Variants in XIRP2 observed in about 807,000 individuals in gnomAD.
XIRP2 encodes the protein xin actin-binding repeat-containing protein 2.
In XIRP2, 236 loss-of-function variants were observed where a neutral mutation model predicts 277.0. That is an observed-to-expected ratio of 0.85 (90% CI 0.77 to 0.95). The LOEUF is 0.95. Ranked by LOEUF, XIRP2 falls within the 40% of genes least tolerant of loss-of-function variation. The pLI is 0.00. For synonymous variants in XIRP2, 1,490 were observed against 1,416.5 expected (o/e 1.05, Z -1.17); for missense variants, 4,640 against 4,157.5 (o/e 1.12, Z -3.19).
rs753301678 is a variant in XIRP2, at chr2:167,247,595, C to T, written c.6203C>T (p.Thr2068Ile). ...SGDKTGVWTD[T>I]TGEQHLRDEY... ...GACAAAACGGGTGTCTGGACTGATA[C>T]TACAGGAGAACAGCATCTTAGAGAT... The change falls in exon 9 of 11, where the codon ACT becomes ATT. Residue 2068 changes from threonine (T) to isoleucine (I), a missense_variant. Coordinates refer to ENST00000409195, the MANE Select transcript of XIRP2 (RefSeq NM_152381.6). 3.1e-6 allele frequency: 5 copies of T among 1,613,658 alleles called. No individual in the cohort carries two copies. In the Admixed American group the frequency reaches 8.3e-5, roughly 27 times the overall value.
At chr2:167,160,129 A>C (rs772037072) in intron 3 of XIRP2, among the ~76,000 whole-genome samples, 3 of 152,224 alleles carry the variant, frequency 2.0e-5, no homozygotes, top group African/African-American at 7.2e-5. Context: ...TACTAAATGG[A>C]TACTGTCTGA....
intron 2 of XIRP2, among the ~76,000 whole-genome samples, chr2:167,003,097 A>G (rs77539099): frequency 0.036 from 5,543 of 151,976 alleles, 117 homozygotes; most frequent in East Asian, 0.061. Context: ...TACATTACAG[A>G]GAGAAGGAAG....
At position 167,248,826 on chromosome 2, in the gene XIRP2, G is replaced by A; in HGVS notation, c.7434G>A (p.Lys2478=). Residue 2478 remains lysine, a synonymous_variant, in exon 9 of 11, where the codon AAG becomes AAA. Coordinates refer to ENST00000409195, the MANE Select transcript of XIRP2 (RefSeq NM_152381.6). ...CCAGCAGTGAACACACGGAGACAAA[G>A]CAGAACGTTATTAGTAAGAGTCTTG... The part of the protein sequence containing the change: ...VMTSSEHTET[K]QNVISKSLDE... 1 of 1,613,460 alleles carries A rather than the reference G, an allele frequency of 6.2e-7. No individual in the cohort carries two copies. The highest frequency in any genetic ancestry group is 8.5e-7 in the Non-Finnish European group (1 of 1,179,656).
At chr2:166,904,897 A>G (rs1296473408) in intron 2 of XIRP2, among the ~76,000 whole-genome samples, 1 of 152,102 alleles carries the variant, frequency 6.6e-6, no homozygotes. Flanking sequence ...GAAATAGAAT[A>G]TTTTTGAAAA....
chr2:167,190,967 C>G (rs113812197), intron 3 of XIRP2, among the ~76,000 whole-genome samples: 1 of 151,806 alleles, frequency 6.6e-6, no homozygotes, highest in Non-Finnish European at 1.5e-5. Context: ...TTTGGAAGGC[C>G]GAGGCAGGCA....
intron 5 of XIRP2, among the ~76,000 whole-genome samples, chr2:167,235,357 C>CA (rs1387246468): frequency 7.3e-5 from 11 of 150,982 alleles, no homozygotes; most frequent in East Asian, 1.9e-4. Flanking sequence ...ATGACAACAA[C>CA]AAAAAAAATC....
chr2:167,205,446 G>A (rs1230102604), intron 3 of XIRP2, among the ~76,000 whole-genome samples: 5 of 151,904 alleles, frequency 3.3e-5, no homozygotes, highest in South Asian at 2.1e-4. Flanking sequence ...AAAGTCACCC[G>A]CAGCTATTAT....
At chr2:166,927,105 T>G (rs1475703080) in intron 2 of XIRP2, among the ~76,000 whole-genome samples, 1 of 152,126 alleles carries the variant, frequency 6.6e-6, no homozygotes, top group Non-Finnish European at 1.5e-5. Flanking sequence ...AGCTAGTATT[T>G]TAGTTTTTCT....
chr2:167,166,502 T>C (rs1445548035), intron 3 of XIRP2, among the ~76,000 whole-genome samples: 6 of 152,170 alleles, frequency 3.9e-5, no homozygotes, highest in African/African-American at 1.4e-4. Flanking sequence ...TCATCTGTTT[T>C]TGCGTTGCTA....
intron 2 of XIRP2, among the ~76,000 whole-genome samples, chr2:167,088,630 A>T (rs565126134): frequency 6.6e-6 from 1 of 152,170 alleles, no homozygotes; most frequent in African/African-American, 2.4e-5. Context: ...CACAGGGCCA[A>T]TGGCTTTTCC....
chr2:167,190,244 T>C (rs1242066738), intron 3 of XIRP2, among the ~76,000 whole-genome samples: 1 of 152,156 alleles, frequency 6.6e-6, no homozygotes, highest in Non-Finnish European at 1.5e-5. Context: ...ACTAAATCAT[T>C]GACCATTGCT....
intron 2 of XIRP2, among the ~76,000 whole-genome samples, chr2:166,914,253 T>G (rs1684797678): frequency 6.6e-6 from 1 of 152,214 alleles, no homozygotes. Context: ...CCCCAAGGGC[T>G]TTGGACACCT....
At chr2:166,945,536 G>A (rs1413896919) in intron 2 of XIRP2, among the ~76,000 whole-genome samples, 1 of 151,948 alleles carries the variant, frequency 6.6e-6, no homozygotes, top group Non-Finnish European at 1.5e-5. Flanking sequence ...AAAGACAGCG[G>A]TAACCCAACT....
rs115693537 is a variant in XIRP2, at chr2:167,127,296, G to A, written c.409-8613G>A. Among the ~76,000 whole-genome samples the A allele has an allele frequency of 3.2e-3, 489 of 151,926 alleles. 5 individuals carry two copies. Among genetic ancestry groups the A allele is most frequent in the African/African-American group, 0.011 (466 of 41,426 alleles). On this transcript the variant is annotated intron_variant, in intron 2 of 10. Transcript: ENST00000409195. The stretch of plus-strand genomic sequence containing the variant: ...GGATGCACATGAAACATAAGGTAGA[G>A]TTGTGCATCTATCATGACGATTTTC...
chr2:167,171,608 A>G (rs1213096344), intron 3 of XIRP2, among the ~76,000 whole-genome samples: 1 of 152,218 alleles, frequency 6.6e-6, no homozygotes, highest in Admixed American at 6.5e-5. Context: ...TTTTCTACAT[A>G]TTCACCGATA....
At chr2:167,020,979 G>T (rs79719769) in intron 2 of XIRP2, among the ~76,000 whole-genome samples, 1 of 151,880 alleles carries the variant, frequency 6.6e-6, no homozygotes, top group Non-Finnish European at 1.5e-5. Context: ...GGATCTTTGC[G>T]TTGGCAGGGG....
At chr2:167,057,586 C>A (rs1689068295) in intron 2 of XIRP2, among the ~76,000 whole-genome samples, 1 of 152,140 alleles carries the variant, frequency 6.6e-6, no homozygotes, top group African/African-American at 2.4e-5. Context: ...AAGGCTTAGG[C>A]AGCTGAAGAA....
Position 167,157,151 on chromosome 2 carries a change from A to G in XIRP2, c.562+21089A>G, listed in dbSNP as rs561261500. ...ATGGGAACAGGCATTGTCAATAGAC[A>G]CTCAACACAGTTTATGACATTCAAA... is the stretch of plus-strand genomic sequence containing the variant. On this transcript the variant is annotated intron_variant, in intron 3 of 10. Transcript: ENST00000409195. 2.0e-5 allele frequency among the ~76,000 whole-genome samples: 3 copies of G among 150,110 alleles called. 1 individual carries two copies. The highest frequency in any genetic ancestry group is 7.4e-5 in the African/African-American group (3 of 40,572).
At position 167,225,021 on chromosome 2, in the gene XIRP2, G is replaced by A. The variant is rs564995758; in HGVS notation, c.858+6721G>A. ...TTATAATAGCAAGTCTTCTTTTGAA[G>A]AAAATTGTTTAACCCCAACTATAAT... On this transcript the variant is annotated intron_variant, in intron 5 of 10. Coordinates refer to ENST00000409195, the MANE Select transcript of XIRP2 (RefSeq NM_152381.6). Among the ~76,000 whole-genome samples, 4 of 152,232 alleles carry A rather than the reference G, an allele frequency of 2.6e-5. 1 individual carries two copies. The highest frequency in any genetic ancestry group is 2.1e-4 in the South Asian group (1 of 4,826).
Sources: gnomAD v4.1 joint callset for allele counts (sites outside exome capture counted in the v4.1 genomes callset) on GRCh38, gnomAD v4.1.1 for gene constraint, MANE v1.5 for transcripts, NCBI Gene and HGNC (gene_info 2026-07-23, HGNC 2026-07-21) for gene names.